Variants in CELSR1 observed in about 807,000 individuals in gnomAD.
CELSR1 encodes the protein adhesion G protein-coupled receptor C1.
CELSR1 carries 110 observed loss-of-function variants against 249.1 expected under a neutral mutation model. That is an observed-to-expected ratio of 0.44 (90% CI 0.38 to 0.52). CELSR1 has a LOEUF of 0.52. Among genes scored for constraint, CELSR1 ranks in the 20% least tolerant of loss-of-function variants. CELSR1 has a pLI of 0.00. For missense variants in CELSR1, 4,109 were observed against 4,296.4 expected (o/e 0.96, Z 1.22); for synonymous variants, 2,113 against 1,900.0 (o/e 1.11, Z -2.92).
At chr22:46,519,078 G>A (rs370972264) in intron 1 of CELSR1, among the ~76,000 whole-genome samples, 29 of 151,912 alleles carry the variant, frequency 1.9e-4, no homozygotes, top group South Asian at 1.9e-3. Flanking sequence ...ACTGCCACGT[G>A]CTGCGCTGTG....
Position 46,398,357 on chromosome 22 carries a change from G to T in CELSR1, c.5526+167C>A, listed in dbSNP as rs2079173847. Among the ~76,000 whole-genome samples, 1 of 152,148 alleles carries T rather than the reference G, an allele frequency of 6.6e-6. No homozygotes were observed. The highest frequency in any genetic ancestry group is 2.4e-5 in the African/African-American group (1 of 41,422). ...GCCAAGGGGAACCGCAGGGGAGAAT[G>T]GGTCTGAAGAGGAAACAGGAGCTGT... On this transcript the variant is annotated intron_variant, in intron 11 of 34. Transcript: ENST00000674500. This position sits in a 1 kb window ranked among gnomAD's most constrained non-coding sequence, Gnocchi z 7.2.
chr22:46,378,488 G>T, intron 23 of CELSR1, 103 bp downstream of exon 23: 1 of 1,340,692 alleles, frequency 7.5e-7, no homozygotes, highest in Non-Finnish European at 1.0e-6. Flanking sequence ...AGGCTCAGCA[G>T]GTTTGAGGAC....
rs148905592 is a variant in CELSR1, at chr22:46,366,470, T to G, written c.8216A>C (p.Asn2739Thr). Residue 2739 changes from asparagine to threonine, a missense_variant, in exon 30 of 35, where the codon AAC (asparagine) becomes ACC (threonine). Transcript: ENST00000674500. The stretch of plus-strand genomic sequence containing the variant: ...CCCGTCACCGAAGGTGGTGTTGCAG[T>G]TGAGGGAGCGCTGAAGGGAGGGGAG... ...TRATLLTRSL[N>T]CNTTFGDGPD... 1.1e-4 allele frequency: 175 copies of G among 1,550,030 alleles called. No individual in the cohort carries two copies. The highest frequency in any genetic ancestry group is 1.4e-4 in the Non-Finnish European group (157 of 1,146,646).
rs1031690454 is a variant in CELSR1, at chr22:46,506,439, A to G, written c.3544+27188T>C. 1.3e-5 allele frequency among the ~76,000 whole-genome samples: 2 copies of G among 152,064 alleles called. No individual in the cohort carries two copies. The highest frequency in any genetic ancestry group is 3.9e-4 in the East Asian group (2 of 5,190). On this transcript the variant is annotated intron_variant, in intron 1 of 34. Transcript: ENST00000674500. This position sits in a 1 kb window ranked among gnomAD's most constrained non-coding sequence, Gnocchi z 4.1. ...TGGGCTCAACCCCTGCAGGCCTCAC[A>G]CTAGGCCTCCCTTTGTGTATCACAG...
At chr22:46,419,916 C>T (rs141069812) in intron 5 of CELSR1, among the ~76,000 whole-genome samples, 41 of 152,038 alleles carry the variant, frequency 2.7e-4, no homozygotes, top group Admixed American at 1.3e-3. Flanking sequence ...TTTATTCATA[C>T]GCTCACACGT....
rs1240314495 is a variant in CELSR1, at chr22:46,391,496, TAGA to T, written c.6148+134_6148+136del. ...ACCCCCTCACGCAGAACCAGGTTTC[TAGA>T]AGGTCAAGAGAACTCAGAACACGAG... On this transcript the variant is annotated intron_variant, in intron 15 of 34. Coordinates refer to ENST00000674500, the MANE Select transcript of CELSR1 (RefSeq NM_001378328.1). This position sits in a 1 kb window ranked among gnomAD's most constrained non-coding sequence, Gnocchi z 4.3. 4.4e-5 allele frequency: 49 copies of T among 1,115,028 alleles called. 1 individual carries two copies. Among genetic ancestry groups the T allele is most frequent in the South Asian group, 3.8e-4 (23 of 60,828 alleles). The allele number at this position is 1,115,028 out of a possible 1,614,324, so 69.1% of individuals were successfully genotyped here.
At chr22:46,486,791 G>A (rs1023512311) in intron 1 of CELSR1, among the ~76,000 whole-genome samples, 4 of 149,876 alleles carry the variant, frequency 2.7e-5, no homozygotes, top group Admixed American at 6.6e-5. Context: ...TGCAGTGAGC[G>A]GAGATCGTGC....
intron 1 of CELSR1, among the ~76,000 whole-genome samples, chr22:46,516,595 T>G (rs1200571818): frequency 6.6e-6 from 1 of 151,990 alleles, no homozygotes; most frequent in Non-Finnish European, 1.5e-5. Flanking sequence ...CTGCCTCGCC[T>G]CCCAAAGTGC....
chr22:46,455,519 T>G (rs2147538944), intron 2 of CELSR1, among the ~76,000 whole-genome samples: 1 of 152,320 alleles, frequency 6.6e-6, no homozygotes, highest in Admixed American at 6.5e-5. Flanking sequence ...GGTTCTAGTT[T>G]TGAATTCCTG....
intron 23 of CELSR1, 166 bp from the exon 24 acceptor site, chr22:46,377,427 G>A (rs573738116): frequency 1.4e-6 from 1 of 730,388 alleles, no homozygotes; most frequent in Non-Finnish European, 2.3e-6. Context: ...GCCTGGAACT[G>A]CCCCTCCTGA....
intron 20 of CELSR1, among the ~76,000 whole-genome samples, chr22:46,382,523 G>T (rs1022730656): frequency 6.6e-6 from 1 of 152,070 alleles, no homozygotes; most frequent in Non-Finnish European, 1.5e-5. Context: ...TGATCCGCCC[G>T]CCTCGGCCTC....
rs758261920 is a variant in CELSR1 at position 46,535,488 on chromosome 22, G to C, written c.1683C>G (p.Asn561Lys). The C allele has an allele frequency of 1.2e-6, 2 of 1,612,294 alleles. No individual in the cohort carries two copies. The highest frequency in any genetic ancestry group is 2.2e-5 in the South Asian group (2 of 91,018). Residue 561 changes from asparagine to lysine, a missense_variant, in exon 1 of 35, where the codon AAC becomes AAG. By Grantham distance (94) the Asn-to-Lys change is moderately conservative (BLOSUM62 0). This residue lies in a region of CELSR1 where 135 missense variants were observed against 190.0 expected (regional missense o/e 0.71). Coordinates refer to ENST00000674500, the MANE Select transcript of CELSR1 (RefSeq NM_001378328.1). ...AGGGGCTGCTCACAAAGATAGGCTC[G>C]TTGTCGTTGACATCCAGCACCTGCA... ...VSVQVLDVND[N>K]EPIFVSSPFQ... is the part of the protein sequence containing the mutation.
chr22:46,525,766 C>T (rs1279959608), intron 1 of CELSR1, among the ~76,000 whole-genome samples: 1 of 152,262 alleles, frequency 6.6e-6, no homozygotes, highest in African/African-American at 2.4e-5. Context: ...CAGACCCCAT[C>T]TACCCACCTA....
intron 2 of CELSR1, among the ~76,000 whole-genome samples, chr22:46,439,681 G>A (rs1286533563): frequency 6.6e-6 from 1 of 152,106 alleles, no homozygotes; most frequent in Non-Finnish European, 1.5e-5. Flanking sequence ...ACTCTGTGGG[G>A]TCAAAGAAAT....
Position 46,454,760 on chromosome 22 carries a change from G to A in CELSR1, c.4183+8947C>T, listed in dbSNP as rs73890442. 6.7e-3 allele frequency among the ~76,000 whole-genome samples: 1,022 copies of A among 152,360 alleles called. 8 individuals carry two copies. The highest frequency in any genetic ancestry group is 0.018 in the African/African-American group (766 of 41,588). Reference sequence around the variant, plus strand: ...CCTGCCTCCCACCCTGGAGTGGCCCGTGGTCCTCGCAGACACGCGACAGGC... The same window carrying A: ...CCTGCCTCCCACCCTGGAGTGGCCCATGGTCCTCGCAGACACGCGACAGGC... On this transcript the variant is annotated intron_variant, in intron 2 of 34. Transcript: ENST00000674500. The surrounding 1 kb of genome is among the most constrained non-coding windows in gnomAD (Gnocchi z 5.1).
At chr22:46,394,394 T>C in intron 13 of CELSR1, 132 bp from the exon 14 acceptor site, 1 of 1,030,916 alleles carries the variant, frequency 9.7e-7, no homozygotes, top group South Asian at 1.7e-5. Flanking sequence ...AGCTTCCCCT[T>C]CCACGTTACA....
In CELSR1 at chr22:46,412,517, C is replaced by A. The variant is rs1602099602; in HGVS notation, c.4612-758G>T. Among the ~76,000 whole-genome samples, 2 of 152,302 alleles carry A rather than the reference C, an allele frequency of 1.3e-5. No individual in the cohort carries two copies. Among genetic ancestry groups the A allele is most frequent in the East Asian group, 1.9e-4 (1 of 5,166 alleles). Reference sequence around the variant, plus strand: ...TCCCCTCTAAGGCGTGGAACTCCCTCTCTGGGCCAGGATTGGGTACAAGAG... The same window carrying A: ...TCCCCTCTAAGGCGTGGAACTCCCTATCTGGGCCAGGATTGGGTACAAGAG... On this transcript the variant is annotated intron_variant, in intron 5 of 34. Coordinates refer to ENST00000674500, the MANE Select transcript of CELSR1 (RefSeq NM_001378328.1). This position sits in a 1 kb window ranked among gnomAD's most constrained non-coding sequence, Gnocchi z 4.5.
At position 46,517,678 on chromosome 22, in the gene CELSR1, C is replaced by T. The variant is rs1198876311; in HGVS notation, c.3544+15949G>A. On this transcript the variant is annotated intron_variant, in intron 1 of 34. Coordinates refer to ENST00000674500, the MANE Select transcript of CELSR1 (RefSeq NM_001378328.1). This position sits in a 1 kb window ranked among gnomAD's most constrained non-coding sequence, Gnocchi z 5.4. The stretch of plus-strand genomic sequence containing the variant: ...GAAGTCTCACAGAACAATAAACCTT[C>T]ATATTTTCCATTCTCTCCTCTTTGA... Among the ~76,000 whole-genome samples, 1 of 152,224 alleles carries T rather than the reference C, an allele frequency of 6.6e-6. No homozygotes were observed. The highest frequency in any genetic ancestry group is 1.5e-5 in the Non-Finnish European group (1 of 68,044).
chr22:46,418,499 A>C (rs1177221676), intron 5 of CELSR1, among the ~76,000 whole-genome samples: 1 of 152,162 alleles, frequency 6.6e-6, no homozygotes, highest in Non-Finnish European at 1.5e-5. Context: ...TAAATAAATA[A>C]ATAAATTAAA....
Sources: allele counts gnomAD v4.1 joint callset (sites outside exome capture counted in the v4.1 genomes callset), GRCh38; gene constraint gnomAD v4.1.1; regional missense constraint gnomAD v4.1.1; non-coding constraint Gnocchi (gnomAD v3.1); transcripts MANE v1.5; gene names NCBI Gene and HGNC (gene_info 2026-07-23, HGNC 2026-07-21).